Variants in SLCO1B1 observed in about 807,000 individuals in gnomAD.
The protein encoded by SLCO1B1 is solute carrier organic anion transporter family member 1B1.
In SLCO1B1, 81 loss-of-function variants were observed where a neutral mutation model predicts 70.1. The ratio of observed to expected loss-of-function variants is 1.16; its 90% CI spans 0.97 to 1.39. SLCO1B1 has a LOEUF of 1.39. SLCO1B1 is among the 40% of genes most tolerant of loss of function. The pLI is 0.00. For synonymous variants in SLCO1B1, 283 were observed against 271.5 expected (o/e 1.04, Z -0.42); for missense variants, 895 against 799.6 (o/e 1.12, Z -1.44).
At chr12:21,199,634 C>T (rs909647223) in intron 8 of SLCO1B1, among the ~76,000 whole-genome samples, 1 of 151,960 alleles carries the variant, frequency 6.6e-6, no homozygotes, top group African/African-American at 2.4e-5. Flanking sequence ...GAATTTTGAA[C>T]CTCAATGGTC....
At chr12:21,198,353 CA>C (rs1020017552) in intron 8 of SLCO1B1, among the ~76,000 whole-genome samples, 3 of 152,030 alleles carry the variant, frequency 2.0e-5, no homozygotes, top group Non-Finnish European at 4.4e-5. Context: ...AGATGTTAAA[CA>C]TTTATGTTTT....
intron 14 of SLCO1B1, among the ~76,000 whole-genome samples, chr12:21,226,564 A>G (rs976897349): frequency 6.6e-6 from 1 of 152,158 alleles, no homozygotes; most frequent in Admixed American, 6.6e-5. Context: ...GATAAGGATG[A>G]GTAGGTGGAG....
At chr12:21,148,425 A>G (rs1256352922) in intron 2 of SLCO1B1, among the ~76,000 whole-genome samples, 1 of 152,168 alleles carries the variant, frequency 6.6e-6, no homozygotes, top group East Asian at 1.9e-4. Flanking sequence ...TTTTCTGCAT[A>G]TGGCTAGCCA....
intron 11 of SLCO1B1, among the ~76,000 whole-genome samples, chr12:21,207,239 C>G (rs1323936769): frequency 6.6e-6 from 1 of 151,962 alleles, no homozygotes; most frequent in East Asian, 1.9e-4. Context: ...TCCCATCCCC[C>G]AGGTAGTGAG....
intron 2 of SLCO1B1, among the ~76,000 whole-genome samples, chr12:21,161,808 G>T (rs1940623080): frequency 6.6e-6 from 1 of 152,116 alleles, no homozygotes; most frequent in African/African-American, 2.4e-5. Context: ...GGGGGTTTGA[G>T]ATCAGCCTGG....
intron 1 of SLCO1B1, among the ~76,000 whole-genome samples, chr12:21,137,875 G>C (rs770457479): frequency 2.6e-5 from 4 of 152,186 alleles, no homozygotes; most frequent in Non-Finnish European, 5.9e-5. Context: ...TCCCCAGTGA[G>C]ATGAACCCGG....
intron 1 of SLCO1B1, among the ~76,000 whole-genome samples, chr12:21,135,014 A>G (rs1422562597): frequency 1.3e-5 from 2 of 152,178 alleles, no homozygotes; most frequent in African/African-American, 4.8e-5. Context: ...AATGTGTCCC[A>G]GAGATTCTCG....
At chr12:21,233,469 T>G (rs1941562601) in intron 14 of SLCO1B1, among the ~76,000 whole-genome samples, 1 of 151,466 alleles carries the variant, frequency 6.6e-6, no homozygotes, top group South Asian at 2.1e-4. Flanking sequence ...TAAAATCTTC[T>G]TGATTGAAGA....
intron 13 of SLCO1B1, among the ~76,000 whole-genome samples, chr12:21,223,166 T>A (rs960131421): frequency 3.3e-4 from 50 of 152,058 alleles, no homozygotes; most frequent in Admixed American, 6.6e-4. Flanking sequence ...TGGAGTAAAA[T>A]TTTTTTTAGC....
intron 2 of SLCO1B1, among the ~76,000 whole-genome samples, chr12:21,152,544 T>TTTTTTTTTTTTTG (rs1940487401): frequency 7.1e-6 from 1 of 140,588 alleles, no homozygotes; most frequent in Non-Finnish European, 1.5e-5. Flanking sequence ...TTTTTTTTTT[T>TTTTTTTTTTTTTG]TTTTTTTGCC....
chr12:21,183,573 A>G (rs1180305446), intron 7 of SLCO1B1, among the ~76,000 whole-genome samples: 1 of 152,234 alleles, frequency 6.6e-6, no homozygotes, highest in Non-Finnish European at 1.5e-5. Flanking sequence ...TATTGTGCAG[A>G]GTCTTATCCC....
chr12:21,132,683 G>C (rs181837049), intron 1 of SLCO1B1, among the ~76,000 whole-genome samples: 31 of 152,232 alleles, frequency 2.0e-4, no homozygotes, highest in African/African-American at 7.0e-4. Context: ...TGATGGGGTC[G>C]TTTGTCTTTT....
At position 21,160,322 on chromosome 12, in the gene SLCO1B1, G is replaced by A. The variant is rs117061360; in HGVS notation, c.85-12328G>A. 2.2e-3 allele frequency among the ~76,000 whole-genome samples: 333 copies of A among 151,790 alleles called. 4 individuals are homozygous for A. The highest frequency in any genetic ancestry group is 0.01 in the Admixed American group (159 of 15,224). On this transcript the variant is annotated intron_variant, in intron 2 of 14. Transcript: ENST00000256958. The stretch of plus-strand genomic sequence containing the variant: ...AAATAGAGAGCCCAGAAATTAGGCC[G>A]CATGCCTATGAACATTTGATCTTCA...
intron 2 of SLCO1B1, among the ~76,000 whole-genome samples, chr12:21,142,121 G>C (rs1940318669): frequency 6.6e-6 from 1 of 150,610 alleles, no homozygotes; most frequent in Admixed American, 6.6e-5. Flanking sequence ...AAGTAATTTA[G>C]GCTCATGGAA....
At chr12:21,146,966 C>T (rs1202547140) in intron 2 of SLCO1B1, among the ~76,000 whole-genome samples, 1 of 152,074 alleles carries the variant, frequency 6.6e-6, no homozygotes, top group African/African-American at 2.4e-5. Flanking sequence ...TAAGGTCAAT[C>T]ATGTTCTTCC....
chr12:21,238,144 G>C (rs1031908063), intron 14 of SLCO1B1, among the ~76,000 whole-genome samples: 4 of 151,820 alleles, frequency 2.6e-5, no homozygotes, highest in Non-Finnish European at 4.4e-5. Context: ...TTTTAGTCTT[G>C]TTTCTCTTTG....
chr12:21,175,471 T>C (rs780460298), intron 4 of SLCO1B1, among the ~76,000 whole-genome samples: 9 of 152,084 alleles, frequency 5.9e-5, no homozygotes, highest in Non-Finnish European at 1.2e-4. Context: ...GTTACCAAGT[T>C]CCCGGTTAAA....
chr12:21,232,585 A>G (rs1941550239), intron 14 of SLCO1B1, among the ~76,000 whole-genome samples: 1 of 152,182 alleles, frequency 6.6e-6, no homozygotes, highest in Non-Finnish European at 1.5e-5. Context: ...TCTCCATTAC[A>G]GAACAACACT....
intron 1 of SLCO1B1, among the ~76,000 whole-genome samples, chr12:21,134,993 A>G (rs1317824885): frequency 6.6e-6 from 1 of 152,276 alleles, no homozygotes; most frequent in Non-Finnish European, 1.5e-5. Flanking sequence ...TTCCCTCTAC[A>G]CACTGCTTTA....
Sources: gnomAD v4.1 joint callset for allele counts (sites outside exome capture counted in the v4.1 genomes callset) on GRCh38, gnomAD v4.1.1 for gene constraint, MANE v1.5 for transcripts, NCBI Gene and HGNC (gene_info 2026-07-23, HGNC 2026-07-21) for gene names.